Variants in SIPA1L1 observed in about 807,000 individuals in gnomAD.
SIPA1L1 encodes signal-induced proliferation-associated 1-like protein 1.
SIPA1L1 carries 26 observed loss-of-function variants against 162.7 expected under a neutral mutation model. The observed-to-expected ratio is 0.16, with a 90% CI of 0.12 to 0.22. The LOEUF is 0.22. SIPA1L1 is among the 10% of genes least tolerant of loss of function. SIPA1L1 has a pLI of 1.00. For synonymous variants in SIPA1L1, 829 were observed against 837.4 expected, an observed-to-expected ratio of 0.99 and a Z score of 0.17; for missense variants, 1,874 against 2,241.0, an observed-to-expected ratio of 0.84 and a Z score of 3.31.
chr14:71,360,537 A>C (rs561335772), intron 2 of SIPA1L1, among the ~76,000 whole-genome samples: 1 of 152,370 alleles, frequency 6.6e-6, no homozygotes, highest in South Asian at 2.1e-4. Context: ...CCCAGGGAGC[A>C]ATTACGAACT....
In SIPA1L1 at chr14:71,690,753, A is replaced by G. The variant is rs907713234; in HGVS notation, c.3374+5122A>G. Among the ~76,000 whole-genome samples, 6 of 152,086 alleles carry G rather than the reference A, an allele frequency of 3.9e-5. 1 individual carries two copies. Among genetic ancestry groups the G allele is most frequent in the Non-Finnish European group, 8.8e-5 (6 of 68,016 alleles). On this transcript the variant is annotated intron_variant, in intron 13 of 23. Coordinates refer to ENST00000381232, the MANE Select transcript of SIPA1L1 (RefSeq NM_001386936.1). ...TTCCTCATTTTTATTTGAATCCCAC[A>G]CTGTGCAATTCTTCTAGAAGGTTCA... is the stretch of plus-strand genomic sequence containing the variant.
chr14:71,433,474 G>A (rs954828659), intron 2 of SIPA1L1, among the ~76,000 whole-genome samples: 14 of 152,070 alleles, frequency 9.2e-5, no homozygotes, highest in East Asian at 1.9e-4. Flanking sequence ...GCGCCACCAC[G>A]CCCAACTAAT....
chr14:71,404,754 A>G (rs1407947660), intron 2 of SIPA1L1, among the ~76,000 whole-genome samples: 3 of 152,188 alleles, frequency 2.0e-5, no homozygotes, highest in Non-Finnish European at 4.4e-5. Context: ...TCCTAACAAT[A>G]ATTTTGTGAG....
At chr14:71,458,152 T>G (rs2046324642) in intron 2 of SIPA1L1, among the ~76,000 whole-genome samples, 1 of 152,218 alleles carries the variant, frequency 6.6e-6, no homozygotes, top group Non-Finnish European at 1.5e-5. Context: ...TTCTTTGTTT[T>G]CTTTTGCAAG....
intron 17 of SIPA1L1, among the ~76,000 whole-genome samples, chr14:71,721,727 G>A (rs2083754823): frequency 6.6e-6 from 1 of 152,200 alleles, no homozygotes; most frequent in African/African-American, 2.4e-5. Flanking sequence ...GCCTGGAGTT[G>A]GAGGACTGGT....
intron 2 of SIPA1L1, among the ~76,000 whole-genome samples, chr14:71,503,514 T>C (rs1027065317): frequency 6.6e-6 from 1 of 152,230 alleles, no homozygotes; most frequent in Admixed American, 6.5e-5. Context: ...TAAAAATTTG[T>C]AGTGCATCCA....
intron 2 of SIPA1L1, among the ~76,000 whole-genome samples, chr14:71,417,548 A>G (rs1319880876): frequency 6.8e-6 from 1 of 147,938 alleles, no homozygotes; most frequent in African/African-American, 2.5e-5. Flanking sequence ...TCATTAATGG[A>G]AGTGGATCAT....
At chr14:71,331,911 A>G (rs1594851569) in intron 2 of SIPA1L1, among the ~76,000 whole-genome samples, 1 of 152,374 alleles carries the variant, frequency 6.6e-6, no homozygotes, top group East Asian at 1.9e-4. Context: ...GATGAATTGA[A>G]GGCAAAAGAT....
At chr14:71,335,272 A>G (rs1407401343) in intron 2 of SIPA1L1, among the ~76,000 whole-genome samples, 1 of 152,144 alleles carries the variant, frequency 6.6e-6, no homozygotes, top group Non-Finnish European at 1.5e-5. Flanking sequence ...ACTGCACTCT[A>G]CCCTGGGCGA....
chr14:71,649,683 T>C (rs149217773), intron 7 of SIPA1L1, among the ~76,000 whole-genome samples: 210 of 152,318 alleles, frequency 1.4e-3, no homozygotes, highest in Non-Finnish European at 2.5e-3. Flanking sequence ...GATTTGCCAT[T>C]GTGAGGCCTC....
chr14:71,706,497 T>C (rs2082446666), intron 16 of SIPA1L1, among the ~76,000 whole-genome samples: 1 of 152,220 alleles, frequency 6.6e-6, no homozygotes, highest in Non-Finnish European at 1.5e-5. Context: ...GATTATATAC[T>C]TTACACTCTT....
intron 2 of SIPA1L1, among the ~76,000 whole-genome samples, chr14:71,341,129 C>T (rs1030673676): frequency 3.3e-5 from 5 of 152,104 alleles, no homozygotes; most frequent in African/African-American, 4.8e-5. Context: ...TGACACCTGC[C>T]GAGGGAAGTC....
At chr14:71,602,655 G>A (rs919515491) in intron 5 of SIPA1L1, among the ~76,000 whole-genome samples, 6 of 152,216 alleles carry the variant, frequency 3.9e-5, no homozygotes, top group Admixed American at 2.0e-4. Flanking sequence ...ATGAGAGTAG[G>A]GTATTGAAGT....
At chr14:71,510,347 C>A (rs2051038143) in intron 2 of SIPA1L1, among the ~76,000 whole-genome samples, 1 of 151,664 alleles carries the variant, frequency 6.6e-6, no homozygotes, top group Admixed American at 6.6e-5. Flanking sequence ...CCACCACGCC[C>A]AGCTAATTTT....
intron 2 of SIPA1L1, among the ~76,000 whole-genome samples, chr14:71,431,839 G>C (rs2044012340): frequency 6.6e-6 from 1 of 152,142 alleles, no homozygotes; most frequent in Non-Finnish European, 1.5e-5. Context: ...AGAAAAGGCA[G>C]ATTAATTGGA....
intron 4 of SIPA1L1, among the ~76,000 whole-genome samples, chr14:71,546,439 T>G (rs1370404347): frequency 1.4e-5 from 2 of 140,734 alleles, no homozygotes; most frequent in Admixed American, 7.9e-5. Flanking sequence ...GCAGGTGCAG[T>G]GGCACAATCT....
At chr14:71,409,520 G>C (rs915037983) in intron 2 of SIPA1L1, among the ~76,000 whole-genome samples, 2 of 152,166 alleles carry the variant, frequency 1.3e-5, no homozygotes, top group Admixed American at 1.3e-4. Context: ...GAAGGGAAAG[G>C]TGAAAACTAG....
intron 7 of SIPA1L1, among the ~76,000 whole-genome samples, chr14:71,633,752 TGAA>T (rs1425799025): frequency 1.3e-5 from 2 of 151,944 alleles, no homozygotes; most frequent in African/African-American, 4.8e-5. Flanking sequence ...TCAGTGAACT[TGAA>T]GATAAAACAA....
Position 71,739,346 on chromosome 14 carries a change from GAAAAAC to G in SIPA1L1, c.*191_*196del. ...ATCATCACCTGCCTTTTGTAGAAAAGAAAAACAAAAAAAGTAAATAAAAATTTTAAA... is the reference window on the plus strand; with the variant it reads ...ATCATCACCTGCCTTTTGTAGAAAAGAAAAAAAGTAAATAAAAATTTTAAA... On this transcript the variant is annotated 3_prime_UTR_variant, in exon 24 of 24. Transcript: ENST00000381232. The G allele has an allele frequency of 2.4e-6, 1 of 414,850 alleles. No individual in the cohort carries two copies. Among genetic ancestry groups the G allele is most frequent in the Non-Finnish European group, 4.1e-6 (1 of 242,834 alleles). 25.7% of individuals were successfully genotyped at this position (414,850 alleles called of 1,614,324 possible).
Sources: allele counts gnomAD v4.1 joint callset (sites outside exome capture counted in the v4.1 genomes callset), GRCh38; gene constraint gnomAD v4.1.1; transcripts MANE v1.5; gene names NCBI Gene and HGNC (gene_info 2026-07-23, HGNC 2026-07-21).